ATXN7: variants seen among roughly 807,000 people sequenced by gnomAD.
ATXN7 encodes the protein ataxin-7.
ATXN7 carries 12 observed loss-of-function variants against 70.5 expected under a neutral mutation model. That is an observed-to-expected ratio of 0.17 (90% confidence interval 0.11 to 0.28). The LOEUF (loss-of-function observed/expected upper bound fraction) is 0.28. ATXN7 is among the 10% of genes least tolerant of loss of function. The pLI, the probability that ATXN7 is intolerant of heterozygous loss-of-function variation, is 1.00. For synonymous variants in ATXN7, 498 were observed against 448.7 expected (o/e 1.11, Z -1.39); for missense variants, 1,256 against 1,131.7 (o/e 1.11, Z -1.58).
intron 2 of ATXN7, among the ~76,000 whole-genome samples, chr3:63,900,077 A>T (rs1342706372): frequency 2.6e-5 from 4 of 151,538 alleles, no homozygotes; most frequent in Non-Finnish European, 4.4e-5. Flanking sequence ...GCAAGACCCC[A>T]TGTTAAAAAA....
intron 12 of ATXN7, chr3:63,997,761 G>C: frequency 2.0e-6 from 3 of 1,519,066 alleles, no homozygotes; most frequent in Non-Finnish European, 2.6e-6. Context: ...GCCGGGTTAG[G>C]ACTTTTTCAG....
chr3:64,002,063 A>G lies in ATXN7; in HGVS notation c.*2596A>G, dbSNP rs1339459100. 6.6e-6 allele frequency: 1 copy of G among 151,778 alleles called. No individual in the cohort carries two copies. The highest frequency in any genetic ancestry group is 1.5e-5 in the Non-Finnish European group (1 of 67,854). 9.4% of individuals were successfully genotyped at this position (151,778 alleles called of 1,614,324 possible). On this transcript the variant is annotated 3_prime_UTR_variant, in exon 13 of 13. Transcript: ENST00000674280. ...AGAATTATACAAAACCTACTTTTGTATCTTTATTTTGGAATTTCTTGTTCT... is the reference window on the plus strand; with the variant it reads ...AGAATTATACAAAACCTACTTTTGTGTCTTTATTTTGGAATTTCTTGTTCT...
intron 4 of ATXN7, among the ~76,000 whole-genome samples, chr3:63,935,220 C>T (rs533230515): frequency 5.9e-5 from 9 of 152,140 alleles, no homozygotes; most frequent in Admixed American, 1.3e-4. Context: ...AGATCACTTA[C>T]GGCGATTCCT....
intron 12 of ATXN7, 46 bp downstream of exon 12, chr3:63,996,529 C>A: frequency 6.3e-7 from 1 of 1,579,292 alleles, no homozygotes; most frequent in Non-Finnish European, 8.6e-7. Context: ...ATTTCTTCTC[C>A]CTTAAGATCT....
chr3:63,883,613 A>G (rs1173874918), intron 1 of ATXN7, among the ~76,000 whole-genome samples: 1 of 152,172 alleles, frequency 6.6e-6, no homozygotes, highest in Non-Finnish European at 1.5e-5. Flanking sequence ...AAATAATCCT[A>G]TGTAACTATT....
intron 3 of ATXN7, 84 bp downstream of exon 3, chr3:63,913,007 ACC>A (rs1416758417): frequency 9.9e-7 from 1 of 1,013,328 alleles, no homozygotes; most frequent in Non-Finnish European, 1.3e-6. Flanking sequence ...CCCTCCTGTG[ACC>A]CGCCCCCTCG....
At chr3:63,875,512 G>A (rs1198980677) in intron 1 of ATXN7, among the ~76,000 whole-genome samples, 1 of 152,162 alleles carries the variant, frequency 6.6e-6, no homozygotes, top group East Asian at 1.9e-4. Flanking sequence ...TTGCCTTGGA[G>A]GCCCAGCATC....
intron 5 of ATXN7, among the ~76,000 whole-genome samples, chr3:63,954,335 G>A (rs530525240): frequency 7.9e-5 from 12 of 152,342 alleles, no homozygotes; most frequent in African/African-American, 2.6e-4. Context: ...GTTGACGTGA[G>A]CAAGCACAGG....
chr3:63,944,075 G>C (rs917210287), intron 4 of ATXN7, among the ~76,000 whole-genome samples: 17 of 152,254 alleles, frequency 1.1e-4, no homozygotes, highest in South Asian at 6.2e-4. Flanking sequence ...AGGAGTGTGT[G>C]GCCAGCAGTA....
intron 1 of ATXN7, chr3:63,878,618 A>G (rs549064945): frequency 7.2e-5 from 11 of 152,330 alleles, no homozygotes; most frequent in Non-Finnish European, 1.6e-4. Flanking sequence ...GAGACTTTAA[A>G]TGAAAGAATT....
At chr3:63,995,475 T>C (rs2075742164) in intron 11 of ATXN7, 30 bp from the exon 12 acceptor site, 2 of 1,611,938 alleles carry the variant, frequency 1.2e-6, no homozygotes, top group Non-Finnish European at 1.7e-6. Flanking sequence ...CTGTGGTCAG[T>C]GTCATTCACT....
At chr3:63,894,248 G>A (rs1213584985) in intron 1 of ATXN7, among the ~76,000 whole-genome samples, 2 of 152,178 alleles carry the variant, frequency 1.3e-5, no homozygotes, top group East Asian at 3.9e-4. Flanking sequence ...GGCCCCTGTG[G>A]CCAGATTTTT....
At chr3:63,974,444 C>T (rs893973483) in intron 5 of ATXN7, among the ~76,000 whole-genome samples, 3 of 152,212 alleles carry the variant, frequency 2.0e-5, no homozygotes, top group African/African-American at 7.2e-5. Context: ...TTATGACTTG[C>T]TAATAATGCC....
intron 1 of ATXN7, chr3:63,865,337 ATTACT>A (rs1298595263): frequency 6.6e-6 from 1 of 152,190 alleles, no homozygotes; most frequent in African/African-American, 2.4e-5. Context: ...AAAGACAAAA[ATTACT>A]TTACATGAAG....
intron 4 of ATXN7, among the ~76,000 whole-genome samples, chr3:63,938,496 C>T (rs547430423): frequency 2.6e-5 from 4 of 152,328 alleles, no homozygotes; most frequent in African/African-American, 9.6e-5. Flanking sequence ...TCTCTCCCCT[C>T]CCCTTTCCAA....
chr3:63,895,441 A>G (rs1452080640), intron 1 of ATXN7, among the ~76,000 whole-genome samples: 1 of 152,124 alleles, frequency 6.6e-6, no homozygotes, highest in Non-Finnish European at 1.5e-5. Flanking sequence ...TTCTTTTATA[A>G]CACATTCTGG....
At chr3:63,919,513 A>G (rs1325843259) in intron 4 of ATXN7, among the ~76,000 whole-genome samples, 3 of 152,192 alleles carry the variant, frequency 2.0e-5, no homozygotes, top group East Asian at 3.8e-4. Flanking sequence ...TTAAAGAAAC[A>G]TGTTGAGTTA....
intron 4 of ATXN7, among the ~76,000 whole-genome samples, chr3:63,941,709 G>A (rs1057155354): frequency 2.0e-5 from 3 of 151,842 alleles, no homozygotes; most frequent in Admixed American, 6.6e-5. Context: ...CTTGCTGATT[G>A]GTCTCTCGTT....
chr3:63,919,487 A>G (rs1416126196), intron 4 of ATXN7, among the ~76,000 whole-genome samples: 1 of 152,218 alleles, frequency 6.6e-6, no homozygotes, highest in Non-Finnish European at 1.5e-5. Flanking sequence ...GTCTTAAACC[A>G]AGAGTTCATT....
Sources: gnomAD v4.1 joint callset for allele counts (sites outside exome capture counted in the v4.1 genomes callset) on GRCh38, gnomAD v4.1.1 for gene constraint, MANE v1.5 for transcripts, NCBI Gene and HGNC (gene_info 2026-07-23, HGNC 2026-07-21) for gene names.